INPP4B: variants seen among roughly 807,000 people sequenced by gnomAD.
The protein encoded by INPP4B is inositol polyphosphate 4-phosphatase type II.
INPP4B carries 55 observed loss-of-function variants against 122.5 expected under a neutral mutation model. That is an observed-to-expected ratio of 0.45 (90% CI 0.36 to 0.56). The LOEUF is 0.56. Ranked by LOEUF, INPP4B falls within the 20% of genes least tolerant of loss-of-function variation. The probability of loss-of-function intolerance (pLI) is 0.00; values close to 1 mark genes in which losing one functional copy is unlikely to be tolerated. For missense variants in INPP4B, 1,000 were observed against 1,097.7 expected, an observed-to-expected ratio of 0.91 and a Z score of 1.26; for synonymous variants, 403 against 388.7, an observed-to-expected ratio of 1.04 and a Z score of -0.43.
intron 2 of INPP4B, among the ~76,000 whole-genome samples, chr4:142,630,751 AG>A (rs1747749719): frequency 6.6e-6 from 1 of 152,136 alleles, no homozygotes; most frequent in Non-Finnish European, 1.5e-5. Flanking sequence ...ATAGCCTCAC[AG>A]CACTAGGAAA....
At chr4:142,732,245 T>C (rs1766206799) in intron 1 of INPP4B, among the ~76,000 whole-genome samples, 1 of 152,178 alleles carries the variant, frequency 6.6e-6, no homozygotes. Context: ...TTCCAGTTTA[T>C]CTAGCATCTA....
chr4:142,700,118 T>A (rs1761528737), intron 2 of INPP4B, among the ~76,000 whole-genome samples: 1 of 152,110 alleles, frequency 6.6e-6, no homozygotes, highest in East Asian at 1.9e-4. Flanking sequence ...TCTTCTCCAA[T>A]CCTTTCTTGA....
intron 2 of INPP4B, among the ~76,000 whole-genome samples, chr4:142,600,582 T>C (rs960861147): frequency 2.0e-5 from 3 of 151,926 alleles, no homozygotes; most frequent in East Asian, 1.9e-4. Context: ...ACTCAAATGA[T>C]AGTTACTACC....
chr4:142,598,809 A>G (rs1430614863), intron 2 of INPP4B, among the ~76,000 whole-genome samples: 1 of 152,018 alleles, frequency 6.6e-6, no homozygotes, highest in African/African-American at 2.4e-5. Context: ...ATGCACAGAG[A>G]GCAGAACCCC....
At chr4:142,704,245 A>T (rs1762188723) in intron 2 of INPP4B, among the ~76,000 whole-genome samples, 3 of 152,232 alleles carry the variant, frequency 2.0e-5, no homozygotes, top group Admixed American at 2.0e-4. Context: ...ACACAGAGTG[A>T]GACTGATAAA....
chr4:142,121,635 C>T (rs1004919179), intron 21 of INPP4B, among the ~76,000 whole-genome samples: 5 of 151,954 alleles, frequency 3.3e-5, no homozygotes, highest in South Asian at 2.1e-4. Context: ...AAACCCTTCT[C>T]GGAAATCTCA....
chr4:142,288,935 T>TATTATTTGA (rs1435881650), intron 9 of INPP4B, among the ~76,000 whole-genome samples: 2 of 152,232 alleles, frequency 1.3e-5, no homozygotes, highest in Non-Finnish European at 2.9e-5. Context: ...GATTCAAGTA[T>TATTATTTGA]ATTATTTGAA....
At chr4:142,838,158 C>G (rs953956730) in intron 1 of INPP4B, among the ~76,000 whole-genome samples, 6 of 151,620 alleles carry the variant, frequency 4.0e-5, no homozygotes, top group African/African-American at 1.5e-4. Context: ...CGACAAAAAG[C>G]AGGCATTCAT....
At chr4:142,029,048 A>C in intron 25 of INPP4B, 134 bp from the exon 26 acceptor site, 1 of 1,418,894 alleles carries the variant, frequency 7.0e-7, no homozygotes, top group Non-Finnish European at 9.2e-7. Flanking sequence ...TTTTTTCCAC[A>C]AGTGATGATA....
chr4:142,816,070 C>T (rs992608891), intron 1 of INPP4B, among the ~76,000 whole-genome samples: 17 of 152,152 alleles, frequency 1.1e-4, no homozygotes, highest in African/African-American at 4.1e-4. Flanking sequence ...GAGAAGTGAG[C>T]AGGCTGACTC....
intron 23 of INPP4B, among the ~76,000 whole-genome samples, chr4:142,092,356 C>A (rs1204020746): frequency 5.0e-5 from 7 of 140,880 alleles, no homozygotes; most frequent in East Asian, 2.1e-4. Flanking sequence ...AGTGGTGTGA[C>A]CTCGGCTCAC....
chr4:142,697,570 T>C (rs1761192421), intron 2 of INPP4B, among the ~76,000 whole-genome samples: 1 of 152,210 alleles, frequency 6.6e-6, no homozygotes, highest in South Asian at 2.1e-4. Context: ...AATGGATTCT[T>C]GCTGGGCTTT....
At chr4:142,192,167 T>G (rs1836143294) in intron 15 of INPP4B, among the ~76,000 whole-genome samples, 1 of 150,540 alleles carries the variant, frequency 6.6e-6, no homozygotes, top group Admixed American at 6.6e-5. Context: ...TACTTAAGGG[T>G]GGAGGGTGGA....
chr4:142,090,109 T>G (rs890724102), intron 23 of INPP4B, among the ~76,000 whole-genome samples: 1 of 152,150 alleles, frequency 6.6e-6, no homozygotes, highest in African/African-American at 2.4e-5. Flanking sequence ...ATTATAGACA[T>G]GGAAATGTTT....
chr4:142,482,137 G>A (rs2149741067), intron 2 of INPP4B, among the ~76,000 whole-genome samples: 1 of 152,216 alleles, frequency 6.6e-6, no homozygotes, highest in East Asian at 1.9e-4. Flanking sequence ...CATGGCTGGG[G>A]GTGGGAGTCT....
chr4:142,066,942 A>T (rs1319267087), intron 25 of INPP4B, among the ~76,000 whole-genome samples: 1 of 152,216 alleles, frequency 6.6e-6, no homozygotes, highest in East Asian at 1.9e-4. Context: ...TGCAGACTTA[A>T]ACCTCCTTGT....
At chr4:142,701,863 C>G (rs1761818266) in intron 2 of INPP4B, among the ~76,000 whole-genome samples, 1 of 152,130 alleles carries the variant, frequency 6.6e-6, no homozygotes, top group Non-Finnish European at 1.5e-5. Context: ...ATTGAATGAA[C>G]ACAATAAATA....
At chr4:142,495,824 A>G (rs766874454) in intron 2 of INPP4B, among the ~76,000 whole-genome samples, 68 of 152,238 alleles carry the variant, frequency 4.5e-4, no homozygotes, top group Non-Finnish European at 9.3e-4. Context: ...TGATTTTGTT[A>G]CTTCTTTGCT....
At chr4:142,749,067 G>A (rs1769230168) in intron 1 of INPP4B, among the ~76,000 whole-genome samples, 1 of 151,452 alleles carries the variant, frequency 6.6e-6, no homozygotes, top group Non-Finnish European at 1.5e-5. Flanking sequence ...TTGAACCTGG[G>A]AGGAGAAGTT....
Sources: allele counts gnomAD v4.1 joint callset (sites outside exome capture counted in the v4.1 genomes callset), GRCh38; gene constraint gnomAD v4.1.1; transcripts MANE v1.5; gene names NCBI Gene and HGNC (gene_info 2026-07-23, HGNC 2026-07-21).